The following POLR1C variants were observed in gnomAD, a reference collection of about 807,000 sequenced individuals.
POLR1C encodes the protein DNA-directed RNA polymerases I and III subunit RPAC1.
POLR1C carries 42 observed loss-of-function variants against 38.3 expected under a neutral mutation model. The ratio of observed to expected loss-of-function variants is 1.10; its 90% confidence interval spans 0.86 to 1.42. The LOEUF (loss-of-function observed/expected upper bound fraction) is 1.42, where lower values mean the gene tolerates loss of function less well. Ranked by LOEUF, POLR1C falls within the 40% of genes most tolerant of loss-of-function variation. POLR1C has a pLI of 0.00. For missense variants in POLR1C, 507 were observed against 450.5 expected, an observed-to-expected ratio of 1.13 and a Z score of -1.14; for synonymous variants, 163 against 163.9, an observed-to-expected ratio of 0.99 and a Z score of 0.04.
At chr6:43,538,754 T>A in intron 9 of POLR1C, 1 of 579,228 alleles carries the variant, frequency 1.7e-6, no homozygotes, top group Admixed American at 3.6e-5. Context: ...AAATGAGTTA[T>A]GGAGCACTAC....
intron 4 of POLR1C, 60 bp from the exon 5 acceptor site, chr6:43,520,006 C>T: frequency 6.2e-7 from 1 of 1,601,618 alleles, no homozygotes; most frequent in Non-Finnish European, 8.5e-7. Context: ...GTAAAGCATT[C>T]AGCATAGTGC....
Position 43,517,369 on chromosome 6 carries a change from T to A in POLR1C, c.133T>A (p.Phe45Ile), listed in dbSNP as rs754660250. 1 of 1,614,004 alleles carries A rather than the reference T, an allele frequency of 6.2e-7. No homozygotes were observed. Among genetic ancestry groups the A allele is most frequent in the Admixed American group, 1.7e-5 (1 of 59,990 alleles). Reference sequence around the variant, plus strand: ...TGATGATGCCTGGGACCAGGACCGCTTCGAGAAGGTAAGTGGGGCCGGAGT... The same window carrying A: ...TGATGATGCCTGGGACCAGGACCGCATCGAGAAGGTAAGTGGGGCCGGAGT... ...GYDDAWDQDRFEKNFRVDVVH... is the reference protein window; with the variant it reads ...GYDDAWDQDRIEKNFRVDVVH... Residue 45 changes from phenylalanine to isoleucine, a missense_variant, in exon 2 of 9, where the codon TTC becomes ATC. By Grantham distance (21) the Phe-to-Ile change is conservative (BLOSUM62 0). Transcript: ENST00000642195.
At chr6:43,524,647 A>C, downstream of POLR1C, 1 of 1,612,026 alleles carries the variant, frequency 6.2e-7, no homozygotes, top group Non-Finnish European at 8.5e-7. Flanking sequence ...TGATATCAGC[A>C]GGGATAAACT....
intron 9 of POLR1C, chr6:43,539,650 C>CCCAGGGCCA (rs1423053013): frequency 8.7e-6 from 11 of 1,258,802 alleles, no homozygotes; most frequent in Non-Finnish European, 1.1e-5. Context: ...GGTTCCCCAT[C>CCCAGGGCCA]CCAGGGCCAC....
rs555396900 is a variant in POLR1C, at chr6:43,539,186, T to G, written c.*4+9827T>G. Reference sequence around the variant, plus strand: ...GGGGACGGTGTGGGGCTTGCCGATCTTGTTCCCCTAGTAGCCTCTGTGCAC... The same window carrying G: ...GGGGACGGTGTGGGGCTTGCCGATCGTGTTCCCCTAGTAGCCTCTGTGCAC... On this transcript the variant is annotated intron_variant, in intron 9 of 10. Transcript: ENST00000607635. 15 of 1,133,188 alleles carry G rather than the reference T, an allele frequency of 1.3e-5. No homozygotes were observed. In the African/African-American group the frequency reaches 1.7e-4, roughly 13 times the overall value. The allele number at this position is 1,133,188 out of a possible 1,614,324, so 70.2% of individuals were successfully genotyped here.
At chr6:43,527,067 G>T (rs755051895) in intron 8 of POLR1C, 3 of 270,502 alleles carry the variant, frequency 1.1e-5, no homozygotes, top group East Asian at 1.4e-4. Flanking sequence ...AAAATAAAAA[G>T]AAAATTAACA....
chr6:43,523,897 C>A (rs1793363298), downstream of POLR1C: 1 of 1,613,990 alleles, frequency 6.2e-7, no homozygotes, highest in Non-Finnish European at 8.5e-7. Flanking sequence ...GCCAGGCCAC[C>A]CCCATCATTG....
At chr6:43,552,473 C>T (rs1795279485) in intron 10 of POLR1C, among the ~76,000 whole-genome samples, 1 of 152,160 alleles carries the variant, frequency 6.6e-6, no homozygotes, top group Non-Finnish European at 1.5e-5. Flanking sequence ...GTACCTCAGC[C>T]TCCCAAGTAG....
chr6:43,542,388 T>TA (rs1162362667), intron 9 of POLR1C, among the ~76,000 whole-genome samples: 1 of 152,020 alleles, frequency 6.6e-6, no homozygotes, highest in East Asian at 1.9e-4. Context: ...TTTTCTCTAC[T>TA]AAAAAAATAG....
At chr6:43,539,219 A>G (rs1053585721) in intron 9 of POLR1C, 2 of 1,190,422 alleles carry the variant, frequency 1.7e-6, no homozygotes, top group African/African-American at 3.0e-5. Context: ...CACGGGGACA[A>G]TGGAGAGCTT....
At chr6:43,531,648 G>A, downstream of POLR1C, 1 of 1,301,714 alleles carries the variant, frequency 7.7e-7, no homozygotes, top group Non-Finnish European at 1.1e-6. Flanking sequence ...CTCTACAGCA[G>A]GAAGCTGTTG....
In POLR1C at chr6:43,520,323, T is replaced by C. The variant is rs757161631; in HGVS notation, c.551T>C (p.Leu184Pro). The change falls in exon 6 of 9, where the codon CTC becomes CCC. Residue 184 changes from leucine (L) to proline (P), a missense_variant. Physicochemically the swap from Leu to Pro is moderately conservative, Grantham distance 98. Transcript: ENST00000642195. ...TWIPLGNQAD[L>P]FPEGTIRPVH... ...ATCCCCCTGGGGAACCAGGCTGATC[T>C]CTTTCCAGAGGGCACTATCCGACCA... 3 of 1,613,230 alleles carry C rather than the reference T, an allele frequency of 1.9e-6. No individual in the cohort carries two copies. Among genetic ancestry groups the C allele is most frequent in the Non-Finnish European group, 2.5e-6 (3 of 1,180,028 alleles).
chr6:43,550,054 C>T lies in POLR1C; in HGVS notation c.*5-914C>T, dbSNP rs1474156005. The stretch of plus-strand genomic sequence containing the variant: ...CAACTGATTCTCCTGCTTTAGCCTT[C>T]TGAGTAGCTGGGACTACGGGCATGA... On this transcript the variant is annotated intron_variant, in intron 9 of 10. Transcript: ENST00000607635. 2.7e-5 allele frequency: 28 copies of T among 1,041,116 alleles called. No individual in the cohort carries two copies. In the East Asian group the frequency reaches 3.4e-4, roughly 13 times the overall value. The allele number at this position is 1,041,116 out of a possible 1,614,324, so 64.5% of individuals were successfully genotyped here.
At chr6:43,527,599 A>G in intron 8 of POLR1C, 1 of 1,609,210 alleles carries the variant, frequency 6.2e-7, no homozygotes, top group Non-Finnish European at 8.5e-7. Context: ...TTCCAGGAAA[A>G]TCCTCTATAG....
chr6:43,530,300 T>C (rs1793885324), downstream of POLR1C, among the ~76,000 whole-genome samples: 1 of 151,808 alleles, frequency 6.6e-6, no homozygotes, highest in Non-Finnish European at 1.5e-5. Context: ...GGTGCACACC[T>C]GTAATCACAG....
At chr6:43,540,235 C>A (rs1255426129) in intron 9 of POLR1C, among the ~76,000 whole-genome samples, 1 of 152,164 alleles carries the variant, frequency 6.6e-6, no homozygotes, top group African/African-American at 2.4e-5. Context: ...ACTGAAGATA[C>A]AAAATTAGCC....
At chr6:43,560,181 G>T in intron 10 of POLR1C, 1 of 1,612,432 alleles carries the variant, frequency 6.2e-7, no homozygotes, top group South Asian at 1.1e-5. Flanking sequence ...TATATACCTT[G>T]ACCAAGTTAG....
exon 11 of POLR1C, chr6:43,561,607 G>C (rs529007115): frequency 6.5e-6 from 1 of 153,098 alleles, no homozygotes; most frequent in South Asian, 2.0e-4. Flanking sequence ...TCAAACTCTT[G>C]ACCTCAGGTG....
downstream of POLR1C, among the ~76,000 whole-genome samples, chr6:43,532,292 A>C (rs963842176): frequency 1.3e-5 from 2 of 152,248 alleles, no homozygotes. Context: ...ACAGACAGAC[A>C]TGAGTTCTGG....
Sources: allele counts gnomAD v4.1 joint callset (sites outside exome capture counted in the v4.1 genomes callset), GRCh38; gene constraint gnomAD v4.1.1; transcripts MANE v1.5; gene names NCBI Gene and HGNC (gene_info 2026-07-23, HGNC 2026-07-21).